The following GAK variants were observed in gnomAD, a reference collection of about 807,000 sequenced individuals.
GAK encodes the protein cyclin G associated kinase.
GAK carries 79 observed loss-of-function variants against 143.9 expected under a neutral mutation model. That is an observed-to-expected ratio of 0.55 (90% confidence interval 0.46 to 0.66). The LOEUF (loss-of-function observed/expected upper bound fraction) is 0.66, where lower values mean the gene tolerates loss of function less well. GAK is among the 30% of genes least tolerant of loss of function. The pLI is 0.00. For missense variants in GAK, 1,693 were observed against 1,779.7 expected (o/e 0.95, Z 0.88); for synonymous variants, 881 against 765.5 (o/e 1.15, Z -2.49).
chr4:901,910 C>G (rs1719939356), intron 5 of GAK, among the ~76,000 whole-genome samples: 1 of 152,258 alleles, frequency 6.6e-6, no homozygotes, highest in Non-Finnish European at 1.5e-5. Context: ...CGGTTCCTCC[C>G]ACCTCACTGC....
intron 1 of GAK, among the ~76,000 whole-genome samples, chr4:919,500 A>G (rs980210295): frequency 1.3e-5 from 2 of 152,212 alleles, no homozygotes; most frequent in African/African-American, 4.8e-5. Context: ...AAGCCACCAC[A>G]TTGACACAAC....
intron 23 of GAK, among the ~76,000 whole-genome samples, chr4:862,437 G>A (rs1750463613): frequency 6.6e-6 from 1 of 152,178 alleles, no homozygotes; most frequent in South Asian, 2.1e-4. Flanking sequence ...GAGGCGGGCG[G>A]ATCACGAGGT....
chr4:928,092 C>G (rs1725137454), intron 1 of GAK, among the ~76,000 whole-genome samples: 2 of 152,224 alleles, frequency 1.3e-5, no homozygotes, highest in South Asian at 4.1e-4. Flanking sequence ...GAGTCTCGCT[C>G]TGTCGTCCAG....
intron 1 of GAK, among the ~76,000 whole-genome samples, chr4:929,415 G>A (rs1159963697): frequency 6.6e-6 from 1 of 152,182 alleles, no homozygotes; most frequent in Non-Finnish European, 1.5e-5. Context: ...GCCACACAGG[G>A]AAGGTGGATT....
chr4:926,998 CGGCT>C (rs1724901668), intron 1 of GAK, among the ~76,000 whole-genome samples: 1 of 52,804 alleles, frequency 1.9e-5, no homozygotes, highest in Non-Finnish European at 3.7e-5. Flanking sequence ...GCACCCCTCC[CGGCT>C]CACCAGCGCT....
At chr4:898,636 C>T (rs547889289) in intron 5 of GAK, among the ~76,000 whole-genome samples, 5 of 152,258 alleles carry the variant, frequency 3.3e-5, no homozygotes, top group Admixed American at 2.6e-4. Flanking sequence ...CCAAGGCGGG[C>T]GGATCACCTG....
chr4:920,158 A>G (rs531245317), intron 1 of GAK, among the ~76,000 whole-genome samples: 1 of 152,156 alleles, frequency 6.6e-6, no homozygotes, highest in East Asian at 1.9e-4. Flanking sequence ...AATACAAAAA[A>G]TTAGCCCGGT....
At chr4:857,010 A>G (rs1057279157) in intron 24 of GAK, among the ~76,000 whole-genome samples, 3 of 152,216 alleles carry the variant, frequency 2.0e-5, no homozygotes, top group Non-Finnish European at 4.4e-5. Context: ...ATGTGACCAC[A>G]TGACTCTTCA....
chr4:905,684 A>T (rs540258603), intron 4 of GAK, among the ~76,000 whole-genome samples: 2 of 145,900 alleles, frequency 1.4e-5, no homozygotes, highest in Non-Finnish European at 3.0e-5. Context: ...CACATTACAG[A>T]CGCCACACCA....
intron 1 of GAK, among the ~76,000 whole-genome samples, chr4:924,176 CAAA>C (rs71640369): frequency 1.0e-5 from 1 of 99,874 alleles, no homozygotes; most frequent in Non-Finnish European, 1.9e-5. Flanking sequence ...GACTCCCTCT[CAAA>C]AAAAAAAAAA....
At chr4:906,338 A>G (rs1721077278) in intron 4 of GAK, among the ~76,000 whole-genome samples, 1 of 152,218 alleles carries the variant, frequency 6.6e-6, no homozygotes, top group Non-Finnish European at 1.5e-5. Context: ...TCATTCTCAC[A>G]TTCACGACAG....
intron 24 of GAK, among the ~76,000 whole-genome samples, chr4:854,386 T>C (rs1748763830): frequency 6.6e-6 from 1 of 152,218 alleles, no homozygotes; most frequent in African/African-American, 2.4e-5. Context: ...GCAGCTCAGA[T>C]GCTCAGAGCT....
In GAK at chr4:875,581, A is replaced by G. The variant is rs915436765; in HGVS notation, c.2054+949T>C. Among the ~76,000 whole-genome samples the G allele has an allele frequency of 1.6e-4, 24 of 152,370 alleles. 5 individuals carry two copies. Among genetic ancestry groups the G allele is most frequent in the East Asian group, 1.9e-4 (1 of 5,182 alleles). On this transcript the variant is annotated intron_variant, in intron 18 of 27. Transcript: ENST00000314167. ...CTGGAACACAGCAGGCCCTGCAGCC[A>G]CAGCCTCTGTCTTGGGAGCCCCCGT...
In GAK at chr4:866,416, C is replaced by T. The variant is rs147912680; in HGVS notation, c.2991G>A (p.Pro997=). The change falls in exon 22 of 28, where the codon CCG becomes CCA. Residue 997 remains proline, a synonymous_variant. Transcript: ENST00000314167. The stretch of plus-strand genomic sequence containing the variant: ...ATGGGGGCGGAGCACTGTGGGCAGA[C>T]GGGAAGGATGGTGGGACGGTCACAG... ...SDSVTVPPSF[P]SAHSAPPPSC... The T allele has an allele frequency of 1.3e-3, 2,065 of 1,614,022 alleles. 18 individuals carry two copies. The African/African-American group carries it at 0.023, about 18-fold the overall frequency.
chr4:885,136 T>G (rs1029167497), intron 11 of GAK, among the ~76,000 whole-genome samples: 2 of 150,838 alleles, frequency 1.3e-5, no homozygotes, highest in Admixed American at 6.6e-5. Flanking sequence ...ACCGAGCAGG[T>G]GCTGACACAG....
intron 1 of GAK, among the ~76,000 whole-genome samples, chr4:917,869 A>C (rs1723320437): frequency 6.6e-6 from 1 of 152,270 alleles, no homozygotes; most frequent in Non-Finnish European, 1.5e-5. Flanking sequence ...GTAAATGGAA[A>C]TCCATGAAAT....
At chr4:851,649 A>C in intron 25 of GAK, 101 bp downstream of exon 25, 2 of 1,266,564 alleles carry the variant, frequency 1.6e-6, no homozygotes, top group East Asian at 2.3e-5. Context: ...TGCCTGTCCC[A>C]GGACTGGGCT....
chr4:866,462 C>G lies in GAK; in HGVS notation c.2945G>C (p.Gly982Ala). The G allele has an allele frequency of 6.2e-7, 1 of 1,614,086 alleles. No individual in the cohort carries two copies. The highest frequency in any genetic ancestry group is 1.1e-5 in the South Asian group (1 of 91,084). Residue 982 changes from glycine (G) to alanine (A), a missense_variant, in exon 22 of 28, where the codon GGC becomes GCC. Around this residue, in one of 2 missense-constraint regions of GAK, gnomAD observed 822 missense variants for 788.7 expected, o/e 1.04. Coordinates refer to ENST00000314167, the MANE Select transcript of GAK (RefSeq NM_005255.4). ...SQPCSNPDLF[G>A]EFLNSDSVTV... ...CACAGAGTCCGAATTGAGAAATTCG[C>G]CGAAGAGATCAGGATTGGAGCAGGG...
chr4:888,561 G>GC, intron 11 of GAK: 1 of 414,324 alleles, frequency 2.4e-6, no homozygotes, highest in South Asian at 3.0e-5. Flanking sequence ...AGCCAGGAAC[G>GC]CCCCAGAGTG....
Sources: gnomAD v4.1 joint callset for allele counts (sites outside exome capture counted in the v4.1 genomes callset) on GRCh38, gnomAD v4.1.1 for gene constraint, gnomAD v4.1.1 regional missense constraint, MANE v1.5 for transcripts, NCBI Gene and HGNC (gene_info 2026-07-23, HGNC 2026-07-21) for gene names.